The following YIPF7 variants were observed in gnomAD, a reference collection of about 807,000 sequenced individuals.
The protein encoded by YIPF7 is Yip1 domain family member 7.
YIPF7 carries 35 observed loss-of-function variants against 27.2 expected under a neutral mutation model. That is an observed-to-expected ratio of 1.29 (90% CI 0.98 to 1.70). The LOEUF is 1.70. Ranked by LOEUF, YIPF7 falls within the 40% of genes most tolerant of loss-of-function variation. The pLI, the probability that YIPF7 is intolerant of heterozygous loss-of-function variation, is 0.00. For synonymous variants in YIPF7, 137 were observed against 110.4 expected (o/e 1.24, Z -1.51); for missense variants, 358 against 303.7 (o/e 1.18, Z -1.33).
chr4:44,636,786 C>G (rs930717556), intron 2 of YIPF7, among the ~76,000 whole-genome samples: 1 of 151,690 alleles, frequency 6.6e-6, no homozygotes, highest in Non-Finnish European at 1.5e-5. Context: ...TTATGGGGTA[C>G]GTATAAAATT....
At chr4:44,646,394 G>A (rs1417017757) in intron 2 of YIPF7, among the ~76,000 whole-genome samples, 5 of 152,112 alleles carry the variant, frequency 3.3e-5, no homozygotes. Context: ...TGAAATACTA[G>A]AAGATCAGGT....
At chr4:44,657,177 T>C (rs181691388) in intron 2 of YIPF7, among the ~76,000 whole-genome samples, 1 of 152,330 alleles carries the variant, frequency 6.6e-6, no homozygotes, top group East Asian at 1.9e-4. Context: ...ATGTTTTTAA[T>C]GTAATTGTCA....
At chr4:44,642,476 C>T (rs1353451970) in intron 2 of YIPF7, among the ~76,000 whole-genome samples, 5 of 152,052 alleles carry the variant, frequency 3.3e-5, no homozygotes, top group South Asian at 2.1e-4. Flanking sequence ...TGTTTCATCT[C>T]AATAAAAAAA....
chr4:44,657,660 G>A (rs1033804177), intron 2 of YIPF7, among the ~76,000 whole-genome samples: 2 of 152,144 alleles, frequency 1.3e-5, no homozygotes, highest in African/African-American at 4.8e-5. Context: ...TTTCCGTCGT[G>A]CACCAGGACA....
Position 44,651,539 on chromosome 4 carries a change from G to T in YIPF7, c.-2+15C>A. 2 of 1,548,802 alleles carry T rather than the reference G, an allele frequency of 1.3e-6. No homozygotes were observed. The highest frequency in any genetic ancestry group is 1.7e-6 in the Non-Finnish European group (2 of 1,144,010). On this transcript the variant is annotated intron_variant, in intron 1 of 5. Coordinates refer to ENST00000415895, the MANE Select transcript of YIPF7 (RefSeq NM_182592.3). Reference sequence around the variant, plus strand: ...TGTTTAAATGCCAAGTCTTTTAGAAGGATCAGACACATACCTCTGTTTATT... The same window carrying T: ...TGTTTAAATGCCAAGTCTTTTAGAATGATCAGACACATACCTCTGTTTATT...
At position 44,633,922 on chromosome 4, in the gene YIPF7, T is replaced by C. The variant is rs1177822130; in HGVS notation, c.280+2000A>G. Among the ~76,000 whole-genome samples the C allele has an allele frequency of 2.6e-5, 4 of 152,194 alleles. No homozygotes were observed. In the East Asian group the frequency reaches 7.7e-4, roughly 29 times the overall value. Reference sequence around the variant, plus strand: ...ACCCAGAGGTACAAAGTATTCCTTTTTCCTTTTTTCCTACAAAATTGACAA... The same window carrying C: ...ACCCAGAGGTACAAAGTATTCCTTTCTCCTTTTTTCCTACAAAATTGACAA... On this transcript the variant is annotated intron_variant, in intron 3 of 5. Coordinates refer to ENST00000415895, the MANE Select transcript of YIPF7 (RefSeq NM_182592.3).
Position 44,622,457 on chromosome 4 carries a change from C to A in YIPF7, c.728G>T (p.Cys243Phe). ...GGCAAAAAGTCCATAAAGTATGGCA[C>A]AAGGGTAGGCAACAAGAAGCTGCTG... ...EGQQLLVAYP[C>F]AILYGLFALL... The change falls in exon 6 of 6, where the codon TGT (cysteine) becomes TTT (phenylalanine). Residue 243 changes from cysteine to phenylalanine, a missense_variant. Cys to Phe is a radical substitution (Grantham distance 205). Transcript: ENST00000415895. The A allele has an allele frequency of 6.2e-7, 1 of 1,613,736 alleles. No individual in the cohort carries two copies. Among genetic ancestry groups the A allele is most frequent in the African/African-American group, 1.3e-5 (1 of 75,030 alleles).
chr4:44,629,842 G>C (rs924660802), intron 3 of YIPF7, among the ~76,000 whole-genome samples: 1 of 152,134 alleles, frequency 6.6e-6, no homozygotes, highest in African/African-American at 2.4e-5. Context: ...GATTTATGCA[G>C]CAAATACAAG....
intron 2 of YIPF7, among the ~76,000 whole-genome samples, chr4:44,659,568 A>T (rs1296606275): frequency 6.6e-6 from 1 of 152,222 alleles, no homozygotes; most frequent in Admixed American, 6.5e-5. Flanking sequence ...CACTATCAAT[A>T]ATTTTAAACT....
chr4:44,637,564 A>G (rs1481262539), intron 2 of YIPF7, among the ~76,000 whole-genome samples: 1 of 152,012 alleles, frequency 6.6e-6, no homozygotes, highest in African/African-American at 2.4e-5. Context: ...ATGTCTATTC[A>G]TATTCTTGCC....
rs572469993 is a variant in YIPF7, at chr4:44,624,103, T to C, written c.608+498A>G. The stretch of plus-strand genomic sequence containing the variant: ...ATTTTGAGGTGGAGTTTCACTCTTG[T>C]TGCCCAGGCTGGAGTGCAGTGGTGC... On this transcript the variant is annotated intron_variant, in intron 5 of 5. Transcript: ENST00000415895. Among the ~76,000 whole-genome samples, 12 of 151,554 alleles carry C rather than the reference T, an allele frequency of 7.9e-5. No homozygotes were observed. In the South Asian group the frequency reaches 1.0e-3, roughly 13 times the overall value.
At chr4:44,661,186 T>G (rs1714033781) in intron 1 of YIPF7, among the ~76,000 whole-genome samples, 1 of 152,168 alleles carries the variant, frequency 6.6e-6, no homozygotes, top group African/African-American at 2.4e-5. Context: ...AGATAAAACT[T>G]AGGATGCCAC....
At chr4:44,632,976 A>T (rs1256688057) in intron 3 of YIPF7, among the ~76,000 whole-genome samples, 1 of 151,910 alleles carries the variant, frequency 6.6e-6, no homozygotes, top group Non-Finnish European at 1.5e-5. Context: ...AGCAGTGGGC[A>T]GTGGGCGAAC....
At chr4:44,657,233 C>T (rs1012715155) in intron 2 of YIPF7, among the ~76,000 whole-genome samples, 13 of 152,226 alleles carry the variant, frequency 8.5e-5, no homozygotes, top group Non-Finnish European at 1.9e-4. Flanking sequence ...CTTCTTTCGA[C>T]AGGAGAAGCT....
intron 3 of YIPF7, among the ~76,000 whole-genome samples, chr4:44,634,459 G>C (rs963978220): frequency 6.6e-6 from 1 of 152,080 alleles, no homozygotes; most frequent in African/African-American, 2.4e-5. Flanking sequence ...TTGAACCCGG[G>C]AGGCAGAGGT....
intron 3 of YIPF7, among the ~76,000 whole-genome samples, chr4:44,632,151 A>G (rs1048134980): frequency 7.2e-5 from 11 of 152,174 alleles, no homozygotes; most frequent in African/African-American, 2.7e-4. Context: ...AGATCTCTAT[A>G]ATATTGTGGT....
chr4:44,649,056 T>C (rs918475765), intron 2 of YIPF7, among the ~76,000 whole-genome samples: 1 of 152,150 alleles, frequency 6.6e-6, no homozygotes, highest in Non-Finnish European at 1.5e-5. Context: ...GCCCAATTCT[T>C]CAACATAAAA....
intron 1 of YIPF7, among the ~76,000 whole-genome samples, chr4:44,661,093 G>T (rs544363367): frequency 2.3e-4 from 35 of 152,298 alleles, no homozygotes; most frequent in African/African-American, 8.4e-4. Flanking sequence ...GCCAGGACTT[G>T]CTTGATTTGA....
At chr4:44,628,092 T>G (rs1463171613) in intron 4 of YIPF7, among the ~76,000 whole-genome samples, 1 of 152,198 alleles carries the variant, frequency 6.6e-6, no homozygotes, top group African/African-American at 2.4e-5. Flanking sequence ...TTTGATTAAT[T>G]GACATGGCCT....
Sources: gnomAD v4.1 joint callset for allele counts (sites outside exome capture counted in the v4.1 genomes callset) on GRCh38, gnomAD v4.1.1 for gene constraint, MANE v1.5 for transcripts, NCBI Gene and HGNC (gene_info 2026-07-23, HGNC 2026-07-21) for gene names.